Variants in AFF1 observed in about 807,000 individuals in gnomAD.
AFF1 encodes the protein ALF transcription elongation factor 1, also known as AF4/FMR2 family member 1.
In AFF1, 48 loss-of-function variants were observed where a neutral mutation model predicts 121.7. The ratio of observed to expected loss-of-function variants is 0.39; its 90% CI spans 0.31 to 0.50. AFF1 has a LOEUF of 0.50. Ranked by LOEUF, AFF1 falls within the 20% of genes least tolerant of loss-of-function variation. The pLI is 0.76. For synonymous variants in AFF1, 613 were observed against 563.0 expected, an observed-to-expected ratio of 1.09 and a Z score of -1.26; for missense variants, 1,523 against 1,511.7, an observed-to-expected ratio of 1.01 and a Z score of -0.12.
intron 7 of AFF1, among the ~76,000 whole-genome samples, 180 bp downstream of exon 7, chr4:87,092,009 C>A (rs890724193): frequency 6.6e-6 from 1 of 152,168 alleles, no homozygotes; most frequent in African/African-American, 2.4e-5. Context: ...GTTGACCAGG[C>A]GCAGTGGCTC....
intron 7 of AFF1, 56 bp downstream of exon 7, chr4:87,091,885 T>C: frequency 7.6e-7 from 1 of 1,321,274 alleles, no homozygotes; most frequent in Non-Finnish European, 1.0e-6. Flanking sequence ...GCTTTTACTG[T>C]TTAACGTAAA....
Position 87,125,152 on chromosome 4 carries a change from A to G in AFF1, c.2573+9A>G, listed in dbSNP as rs762890934. Reference sequence around the variant, plus strand: ...GAATCTTCTAAAACAAAGTGAGTATAGAGATTAGCAACCACCTAATCTACG... The same window carrying G: ...GAATCTTCTAAAACAAAGTGAGTATGGAGATTAGCAACCACCTAATCTACG... On this transcript the variant is annotated intron_variant, in intron 13 of 20. Coordinates refer to ENST00000395146, the MANE Select transcript of AFF1 (RefSeq NM_001166693.3). 1.6e-5 allele frequency: 25 copies of G among 1,599,388 alleles called. No homozygotes were observed. Among genetic ancestry groups the G allele is most frequent in the Non-Finnish European group, 2.0e-5 (24 of 1,171,238 alleles).
intron 3 of AFF1, 103 bp from the exon 4 acceptor site, chr4:87,046,592 A>C: frequency 8.0e-7 from 1 of 1,257,664 alleles, no homozygotes; most frequent in Non-Finnish European, 1.1e-6. Context: ...CATGTCGTAC[A>C]TTAAGTTCGG....
chr4:86,969,349 C>T (rs761189372), intron 2 of AFF1, among the ~76,000 whole-genome samples: 7 of 151,606 alleles, frequency 4.6e-5, no homozygotes, highest in African/African-American at 9.7e-5. Flanking sequence ...CGTGGTGGCA[C>T]GTGCCTGTAG....
At chr4:87,010,546 A>C (rs771324235) in intron 2 of AFF1, among the ~76,000 whole-genome samples, 11 of 152,236 alleles carry the variant, frequency 7.2e-5, no homozygotes, top group Admixed American at 3.3e-4. Flanking sequence ...TCTGATGGAA[A>C]GTGCATCCAG....
chr4:87,018,918 G>A (rs984742130), intron 2 of AFF1, among the ~76,000 whole-genome samples: 3 of 152,170 alleles, frequency 2.0e-5, no homozygotes, highest in Admixed American at 1.3e-4. Flanking sequence ...AATTTAGAAA[G>A]GCCCCCAGGT....
At chr4:87,027,582 CCA>C (rs1728644455) in intron 2 of AFF1, among the ~76,000 whole-genome samples, 1 of 152,156 alleles carries the variant, frequency 6.6e-6, no homozygotes, top group African/African-American at 2.4e-5. Flanking sequence ...AACGATCCTA[CCA>C]CAGTGTTTTG....
At chr4:87,125,859 AAAGTC>A (rs1488937233) in intron 13 of AFF1, among the ~76,000 whole-genome samples, 8 of 152,158 alleles carry the variant, frequency 5.3e-5, no homozygotes, top group Admixed American at 5.2e-4. Context: ...ATGGTTGGGG[AAAGTC>A]AGGACCACTG....
intron 12 of AFF1, among the ~76,000 whole-genome samples, chr4:87,117,142 G>A (rs892905591): frequency 1.3e-5 from 2 of 152,138 alleles, no homozygotes; most frequent in African/African-American, 4.8e-5. Flanking sequence ...TCATACCCCA[G>A]TGCAAATCTA....
intron 8 of AFF1, among the ~76,000 whole-genome samples, chr4:87,098,181 T>C (rs1725064056): frequency 6.6e-6 from 1 of 152,184 alleles, no homozygotes; most frequent in Admixed American, 6.5e-5. Context: ...GAGTGGTCTG[T>C]ATTAACTCAG....
In AFF1 at chr4:87,008,553, T is replaced by C. The variant is rs570034803; in HGVS notation, c.39-37613T>C. On this transcript the variant is annotated intron_variant, in intron 2 of 20. Transcript: ENST00000395146. Reference sequence around the variant, plus strand: ...AAGTGGTTCTTAATCTGGGGCCAAGTAGTAGAACTTGGATGAGAAACACAA... The same window carrying C: ...AAGTGGTTCTTAATCTGGGGCCAAGCAGTAGAACTTGGATGAGAAACACAA... 1.4e-4 allele frequency among the ~76,000 whole-genome samples: 22 copies of C among 152,264 alleles called. No individual in the cohort carries two copies. The East Asian group carries it at 3.7e-3, about 25-fold the overall frequency.
At chr4:87,111,398 G>A (rs888492128) in intron 11 of AFF1, among the ~76,000 whole-genome samples, 1 of 151,850 alleles carries the variant, frequency 6.6e-6, no homozygotes, top group Non-Finnish European at 1.5e-5. Flanking sequence ...CTGTCACCCA[G>A]ACTGGAGTGC....
At chr4:86,970,344 A>G (rs1173073254) in intron 2 of AFF1, among the ~76,000 whole-genome samples, 1 of 152,218 alleles carries the variant, frequency 6.6e-6, no homozygotes, top group Admixed American at 6.5e-5. Flanking sequence ...ACAACAACAA[A>G]GATACTAAAG....
intron 2 of AFF1, among the ~76,000 whole-genome samples, chr4:87,028,502 T>C (rs1241019722): frequency 6.6e-6 from 1 of 151,964 alleles, no homozygotes; most frequent in Admixed American, 6.6e-5. Flanking sequence ...TTATTTTTCT[T>C]CCTCTCAGGG....
chr4:86,979,048 GTGGTCTTCAAACCAC>G lies in AFF1; in HGVS notation c.38+30481_38+30495del, dbSNP rs1723524320. Among the ~76,000 whole-genome samples, 8 of 152,128 alleles carry G rather than the reference GTGGTCTTCAAACCAC, an allele frequency of 5.3e-5. No homozygotes were observed. In the South Asian group the frequency reaches 1.7e-3, roughly 32 times the overall value. On this transcript the variant is annotated intron_variant, in intron 2 of 20. Coordinates refer to ENST00000395146, the MANE Select transcript of AFF1 (RefSeq NM_001166693.3). The stretch of plus-strand genomic sequence containing the variant: ...TTTGCCTCATGTACTCTCAACTCCA[GTGGTCTTCAAACCAC>G]TGGAATCACTGAATACCGTCTCCTT...
At chr4:87,098,649 G>A (rs1725113633) in intron 8 of AFF1, among the ~76,000 whole-genome samples, 1 of 152,134 alleles carries the variant, frequency 6.6e-6, no homozygotes, top group African/African-American at 2.4e-5. Flanking sequence ...CCCCAAAATT[G>A]CCAAGTCCTT....
Position 87,115,625 on chromosome 4 carries a change from T to TTTTTTTTTTTTC in AFF1, c.2466+326_2466+327insTTTTTTTTTTTC, listed in dbSNP as rs397994396. ...AACCCACCTCTTTTTTTTTTTTTTT[T>TTTTTTTTTTTTC]CCAAAGACAGGCCCTTGCTCTGTTG... On this transcript the variant is annotated intron_variant, in intron 12 of 20. Coordinates refer to ENST00000395146, the MANE Select transcript of AFF1 (RefSeq NM_001166693.3). Among the ~76,000 whole-genome samples, 289 of 102,958 alleles carry TTTTTTTTTTTTC rather than the reference T, an allele frequency of 2.8e-3. 13 individuals carry two copies. Among genetic ancestry groups the TTTTTTTTTTTTC allele is most frequent in the African/African-American group, 5.8e-3 (175 of 30,302 alleles). 67.5% of individuals were successfully genotyped at this position (102,958 alleles called of 152,430 possible). A position where few individuals can be genotyped will look rare whatever the true frequency, so the allele number is the denominator to read the frequency against.
intron 2 of AFF1, among the ~76,000 whole-genome samples, chr4:86,979,085 C>G (rs1270453734): frequency 6.6e-6 from 1 of 152,008 alleles, no homozygotes; most frequent in Non-Finnish European, 1.5e-5. Flanking sequence ...AATACCGTCT[C>G]CTTTGCCTCT....
chr4:87,002,147 A>C, intron 2 of AFF1, among the ~76,000 whole-genome samples: 1 of 147,436 alleles, frequency 6.8e-6, no homozygotes, highest in Non-Finnish European at 1.5e-5. Context: ...TCTGTTGCCC[A>C]AGCTGGAGTG....
Sources: allele counts gnomAD v4.1 joint callset (sites outside exome capture counted in the v4.1 genomes callset), GRCh38; gene constraint gnomAD v4.1.1; transcripts MANE v1.5; gene names NCBI Gene and HGNC (gene_info 2026-07-23, HGNC 2026-07-21).